ASIC2: variants seen among roughly 807,000 people sequenced by gnomAD.
ASIC2 encodes the protein acid sensing ion channel subunit 2.
ASIC2 carries 25 observed loss-of-function variants against 57.3 expected under a neutral mutation model. That is an observed-to-expected ratio of 0.44 (90% CI 0.32 to 0.61). ASIC2 has a LOEUF of 0.61. ASIC2 is among the 20% of genes least tolerant of loss of function. ASIC2 has a pLI of 0.06. For synonymous variants in ASIC2, 319 were observed against 307.5 expected, an observed-to-expected ratio of 1.04 and a Z score of -0.39; for missense variants, 641 against 738.1, an observed-to-expected ratio of 0.87 and a Z score of 1.52.
chr17:33,117,969 C>G (rs759321191), intron 1 of ASIC2, among the ~76,000 whole-genome samples: 17 of 152,094 alleles, frequency 1.1e-4, no homozygotes, highest in Non-Finnish European at 2.4e-4. Flanking sequence ...AGCCACATGC[C>G]CCTGCTTGTC....
At chr17:33,940,091 G>A (rs151274737) in intron 1 of ASIC2, among the ~76,000 whole-genome samples, 171 of 152,256 alleles carry the variant, frequency 1.1e-3, no homozygotes, top group African/African-American at 3.7e-3. Flanking sequence ...AGAGCAATAC[G>A]CTACTCTAGG....
chr17:33,516,357 TGTGTGA>T (rs746309349), intron 1 of ASIC2, among the ~76,000 whole-genome samples: 5 of 151,402 alleles, frequency 3.3e-5, no homozygotes, highest in African/African-American at 4.9e-5. Context: ...TGTGTGTGTG[TGTGTGA>T]GTGTGAGTGT....
intron 1 of ASIC2, among the ~76,000 whole-genome samples, chr17:33,734,704 A>G (rs1909856971): frequency 6.6e-6 from 1 of 152,174 alleles, no homozygotes; most frequent in Non-Finnish European, 1.5e-5. Flanking sequence ...TGCCCTTATA[A>G]GAAGAGGAAG....
intron 1 of ASIC2, among the ~76,000 whole-genome samples, chr17:34,023,681 T>C (rs1417380966): frequency 6.6e-6 from 1 of 152,158 alleles, no homozygotes; most frequent in African/African-American, 2.4e-5. Context: ...AGGTGCCATC[T>C]TGGAAGCAGA....
chr17:33,852,983 C>G (rs1913815285), intron 1 of ASIC2, among the ~76,000 whole-genome samples: 1 of 152,094 alleles, frequency 6.6e-6, no homozygotes, highest in Non-Finnish European at 1.5e-5. Context: ...CACCCTAAAG[C>G]CTTTCCCCCC....
At chr17:33,530,613 C>A (rs1051191202) in intron 1 of ASIC2, among the ~76,000 whole-genome samples, 4 of 152,362 alleles carry the variant, frequency 2.6e-5, no homozygotes, top group African/African-American at 9.6e-5. Context: ...CCTTTTGGGC[C>A]TGCACTAAGC....
At chr17:34,096,128 A>G (rs1254643311) in intron 1 of ASIC2, among the ~76,000 whole-genome samples, 2 of 152,292 alleles carry the variant, frequency 1.3e-5, no homozygotes, top group African/African-American at 2.4e-5. Flanking sequence ...TGCCTCGGGC[A>G]TAGTACCAGG....
chr17:33,905,668 GGA>G lies in ASIC2; in HGVS notation c.555+250308_555+250309del, dbSNP rs747579594. ...CACCTATTATCTGCAGTTGTAAACA[GGA>G]GAGAGGTAGTTGTCACTGGTATGTC... On this transcript the variant is annotated intron_variant, in intron 1 of 9. Coordinates refer to the ASIC2 transcript ENST00000359872. 4.0e-4 allele frequency among the ~76,000 whole-genome samples: 61 copies of G among 152,214 alleles called. 1 individual carries two copies. The highest frequency in any genetic ancestry group is 1.8e-4 in the Non-Finnish European group (12 of 68,050).
intron 1 of ASIC2, among the ~76,000 whole-genome samples, chr17:34,133,315 T>G (rs1268227979): frequency 2.7e-5 from 4 of 148,476 alleles, no homozygotes; most frequent in Non-Finnish European, 4.5e-5. Flanking sequence ...TGTCCCTGGG[T>G]GGGTGGGGGG....
chr17:34,068,797 A>G (rs2142066093), intron 1 of ASIC2, among the ~76,000 whole-genome samples: 1 of 152,322 alleles, frequency 6.6e-6, no homozygotes, highest in Middle Eastern at 3.4e-3. Context: ...TTGGACTTTC[A>G]TGAGTTGGCT....
rs773894200 is a variant in ASIC2 at position 34,156,139 on chromosome 17, A to T, written c.394T>A (p.Ser132Thr). 6.2e-7 allele frequency: 1 copy of T among 1,613,922 alleles called. No individual in the cohort carries two copies. The highest frequency in any genetic ancestry group is 1.3e-5 in the African/African-American group (1 of 74,886). Residue 132 changes from serine (S) to threonine (T), a missense_variant, in exon 1 of 10, where the codon TCC becomes ACC. Coordinates refer to the ASIC2 transcript ENST00000359872. This position sits in a 1 kb window ranked among gnomAD's most constrained non-coding sequence, Gnocchi z 4.4. ...TTCTGCCGCAGGGCCTCCAGCACGG[A>T]GGGGTCAGCCAGATGGGGGTCCGGG...
At chr17:33,948,896 A>G (rs1904469835) in intron 1 of ASIC2, among the ~76,000 whole-genome samples, 1 of 152,218 alleles carries the variant, frequency 6.6e-6, no homozygotes, top group South Asian at 2.1e-4. Context: ...GTGAAGGGCC[A>G]GAGAGTAGAT....
At chr17:33,916,608 C>G (rs562019194) in intron 1 of ASIC2, among the ~76,000 whole-genome samples, 3 of 152,306 alleles carry the variant, frequency 2.0e-5, no homozygotes, top group Admixed American at 6.5e-5. Flanking sequence ...TCAGTGACCT[C>G]TGAAATACCA....
chr17:33,219,385 T>C (rs1222166331), intron 1 of ASIC2, among the ~76,000 whole-genome samples: 1 of 152,216 alleles, frequency 6.6e-6, no homozygotes. Context: ...TTAATGCCTA[T>C]GAGGTAATAA....
At chr17:34,130,536 A>T (rs576193332) in intron 1 of ASIC2, among the ~76,000 whole-genome samples, 72 of 152,204 alleles carry the variant, frequency 4.7e-4, no homozygotes, top group Non-Finnish European at 8.7e-4. Flanking sequence ...AGAGACAAGA[A>T]AGATATAGTC....
At chr17:33,123,326 T>G (rs907669285) in intron 1 of ASIC2, among the ~76,000 whole-genome samples, 15 of 152,200 alleles carry the variant, frequency 9.9e-5, no homozygotes, top group African/African-American at 3.6e-4. Context: ...AGAAGGCAGT[T>G]CTGTCATTTG....
chr17:33,358,307 T>G (rs1315146084), intron 1 of ASIC2, among the ~76,000 whole-genome samples: 2 of 152,194 alleles, frequency 1.3e-5, no homozygotes, highest in South Asian at 2.1e-4. Flanking sequence ...TCTAAAATAT[T>G]TACTATCTGC....
intron 1 of ASIC2, among the ~76,000 whole-genome samples, chr17:34,034,144 A>T (rs1243142501): frequency 6.6e-6 from 1 of 152,220 alleles, no homozygotes; most frequent in Non-Finnish European, 1.5e-5. Flanking sequence ...CCAGCAGCAC[A>T]TCAAAAAGCT....
chr17:33,042,679 T>A (rs1262346574), intron 3 of ASIC2, among the ~76,000 whole-genome samples: 1 of 152,176 alleles, frequency 6.6e-6, no homozygotes, highest in Admixed American at 6.5e-5. Context: ...GTGGCCTAGC[T>A]GGGATTGGAA....
Sources: allele counts gnomAD v4.1 joint callset (sites outside exome capture counted in the v4.1 genomes callset), GRCh38; gene constraint gnomAD v4.1.1; non-coding constraint Gnocchi (gnomAD v3.1); transcripts MANE v1.5; gene names NCBI Gene and HGNC (gene_info 2026-07-23, HGNC 2026-07-21).